CAMTA1: variants seen among roughly 807,000 people sequenced by gnomAD.
The protein encoded by CAMTA1 is calmodulin binding transcription activator 1.
CAMTA1 carries 27 observed loss-of-function variants against 170.9 expected under a neutral mutation model. The observed-to-expected ratio is 0.16, with a 90% CI of 0.12 to 0.22. CAMTA1 has a LOEUF of 0.22. Among genes scored for constraint, CAMTA1 ranks in the 10% least tolerant of loss-of-function variants. The probability of loss-of-function intolerance (pLI) is 1.00; values close to 1 mark genes in which losing one functional copy is unlikely to be tolerated. For synonymous variants in CAMTA1, 833 were observed against 891.5 expected, an observed-to-expected ratio of 0.93 and a Z score of 1.17; for missense variants, 1,619 against 2,217.2, an observed-to-expected ratio of 0.73 and a Z score of 5.42.
chr1:7,618,794 C>G (rs1558011127), intron 6 of CAMTA1, among the ~76,000 whole-genome samples: 1 of 152,156 alleles, frequency 6.6e-6, no homozygotes, highest in Non-Finnish European at 1.5e-5. Flanking sequence ...AAAAACTTCC[C>G]TGTTCCTTTG....
chr1:7,567,810 C>G (rs2095061364), intron 6 of CAMTA1, among the ~76,000 whole-genome samples: 1 of 152,148 alleles, frequency 6.6e-6, no homozygotes, highest in African/African-American at 2.4e-5. Flanking sequence ...CAATCACCAC[C>G]CATTGAAAGG....
chr1:7,082,440 A>AATAGATAG (rs150422699), intron 3 of CAMTA1, among the ~76,000 whole-genome samples: 40,014 of 142,022 alleles, frequency 0.28, 5,744 homozygotes, highest in Middle Eastern at 0.3. Flanking sequence ...TGCATCTCGA[A>AATAGATAG]ATAGATAGAT....
intron 5 of CAMTA1, among the ~76,000 whole-genome samples, chr1:7,285,434 A>G (rs1186428239): frequency 1.3e-5 from 2 of 152,148 alleles, no homozygotes; most frequent in Admixed American, 1.3e-4. Flanking sequence ...CTATGGGAAC[A>G]TTGTAGCCCA....
intron 6 of CAMTA1, among the ~76,000 whole-genome samples, chr1:7,550,780 T>TGG (rs2094790024): frequency 9.4e-6 from 1 of 106,848 alleles, no homozygotes; most frequent in African/African-American, 3.5e-5. Context: ...CTCTCCTACC[T>TGG]GACCGTCTTT....
chr1:7,078,347 T>C (rs1639579552), intron 3 of CAMTA1, among the ~76,000 whole-genome samples: 1 of 152,220 alleles, frequency 6.6e-6, no homozygotes, highest in Non-Finnish European at 1.5e-5. Flanking sequence ...TCAGCAAGTC[T>C]GCATCTTCAT....
At chr1:7,398,183 CTCTCTCTCTCTA>C (rs1465328199) in intron 5 of CAMTA1, among the ~76,000 whole-genome samples, 10 of 45,242 alleles carry the variant, frequency 2.2e-4, no homozygotes, top group Admixed American at 3.1e-4. Flanking sequence ...CTCTCTCTCT[CTCTCTCTCTCTA>C]TATATATATA....
intron 11 of CAMTA1, among the ~76,000 whole-genome samples, chr1:7,686,923 C>T (rs2096263697): frequency 6.6e-6 from 1 of 151,912 alleles, no homozygotes; most frequent in African/African-American, 2.4e-5. Flanking sequence ...CAAACCATTT[C>T]CTGAGATGGA....
intron 5 of CAMTA1, among the ~76,000 whole-genome samples, chr1:7,365,228 C>T (rs1288357082): frequency 6.3e-3 from 1 of 160 alleles, no homozygotes; most frequent in Non-Finnish European, 0.01. Flanking sequence ...CACCTGGTGG[C>T]TGCGCTGTGG....
At chr1:7,149,036 C>A (rs201846911) in intron 4 of CAMTA1, among the ~76,000 whole-genome samples, 1 of 151,582 alleles carries the variant, frequency 6.6e-6, no homozygotes, top group South Asian at 2.1e-4. Context: ...TCCCGAGGTA[C>A]GGGGGCCTGG....
At chr1:7,420,230 C>T (rs6677945) in intron 5 of CAMTA1, among the ~76,000 whole-genome samples, 44,474 of 151,948 alleles carry the variant, frequency 0.29, 7,087 homozygotes, top group Middle Eastern at 0.57. Flanking sequence ...CACACTTGGC[C>T]GCCTGGCTCC....
chr1:7,609,846 G>C lies in CAMTA1; in HGVS notation c.511-30554G>C, dbSNP rs923503377. On this transcript the variant is annotated intron_variant, in intron 6 of 22. Transcript: ENST00000303635. This position sits in a 1 kb window ranked among gnomAD's most constrained non-coding sequence, Gnocchi z 4.4. ...CCAGGAACTGAGGTTCCTGGCATCC[G>C]GGTAGAGTCCAAACATGGAAGCTCG... Among the ~76,000 whole-genome samples the C allele has an allele frequency of 6.6e-6, 1 of 152,178 alleles. No homozygotes were observed. Among genetic ancestry groups the C allele is most frequent in the African/African-American group, 2.4e-5 (1 of 41,444 alleles).
intron 4 of CAMTA1, among the ~76,000 whole-genome samples, chr1:7,096,315 G>A (rs1013446396): frequency 1.1e-4 from 16 of 152,068 alleles, no homozygotes; most frequent in Admixed American, 9.8e-4. Flanking sequence ...TCCCCGCCCT[G>A]ATGGTGGTGG....
intron 3 of CAMTA1, among the ~76,000 whole-genome samples, chr1:6,880,018 A>G (rs1201618733): frequency 1.3e-5 from 2 of 151,596 alleles, no homozygotes; most frequent in African/African-American, 4.8e-5. Context: ...GCATCAGCAA[A>G]CCCACCTGGA....
At position 7,633,402 on chromosome 1, in the gene CAMTA1, A is replaced by AC. The variant is rs945578696; in HGVS notation, c.511-6991dup. ...CTGCAGAGGGGCAGAGAGCTCGTGG[A>AC]CCCCCCCAGATGCCACCCCTCCTGG... On this transcript the variant is annotated intron_variant, in intron 6 of 22. Coordinates refer to ENST00000303635, the MANE Select transcript of CAMTA1 (RefSeq NM_015215.4). The surrounding 1 kb of genome is among the most constrained non-coding windows in gnomAD (Gnocchi z 4.1). Among the ~76,000 whole-genome samples the AC allele has an allele frequency of 2.8e-4, 42 of 150,442 alleles. No homozygotes were observed. Among genetic ancestry groups the AC allele is most frequent in the African/African-American group, 8.6e-4 (35 of 40,818 alleles).
In CAMTA1 at chr1:6,997,201, G is replaced by A. The variant is rs1036302268; in HGVS notation, c.235-94103G>A. 5.9e-5 allele frequency among the ~76,000 whole-genome samples: 9 copies of A among 152,232 alleles called. No homozygotes were observed. The South Asian group carries it at 8.3e-4, about 14-fold the overall frequency. On this transcript the variant is annotated intron_variant, in intron 3 of 22. Transcript: ENST00000303635. ...AAAGGATGTGCATTCTCTGTTGGAC[G>A]AATTTTCCGTGTATTTATTAGTTAA...
At position 7,041,044 on chromosome 1, in the gene CAMTA1, G is replaced by A. The variant is rs1316485086; in HGVS notation, c.235-50260G>A. ...GCCCTCCCTCTGTTTTTTAAGACAG[G>A]TGCGTGTGGGCGCAGGAGGCGGAGG... is the stretch of plus-strand genomic sequence containing the variant. On this transcript the variant is annotated intron_variant, in intron 3 of 22. Transcript: ENST00000303635. The surrounding 1 kb of genome is among the most constrained non-coding windows in gnomAD (Gnocchi z 5.1). 6.6e-6 allele frequency among the ~76,000 whole-genome samples: 1 copy of A among 152,210 alleles called. No homozygotes were observed. The highest frequency in any genetic ancestry group is 1.5e-5 in the Non-Finnish European group (1 of 68,024).
intron 4 of CAMTA1, among the ~76,000 whole-genome samples, chr1:7,115,775 T>C (rs1017822270): frequency 6.6e-6 from 1 of 152,120 alleles, no homozygotes; most frequent in Non-Finnish European, 1.5e-5. Context: ...TTAGTCTGAC[T>C]TCAGAGGCCA....
In CAMTA1 at chr1:6,953,228, C is replaced by T. The variant is rs191402667; in HGVS notation, c.234+128018C>T. On this transcript the variant is annotated intron_variant, in intron 3 of 22. Coordinates refer to ENST00000303635, the MANE Select transcript of CAMTA1 (RefSeq NM_015215.4). ...TCAGTATAGATTCCATTCGTGGAGC[C>T]GAGCCCAGTCTGAGACCTAGAACAG... Among the ~76,000 whole-genome samples the T allele has an allele frequency of 3.5e-4, 53 of 152,244 alleles. 1 individual carries two copies. The highest frequency in any genetic ancestry group is 6.2e-4 in the Non-Finnish European group (42 of 68,014).
intron 22 of CAMTA1, among the ~76,000 whole-genome samples, chr1:7,762,354 C>T (rs1353520511): frequency 6.6e-6 from 1 of 152,182 alleles, no homozygotes; most frequent in Non-Finnish European, 1.5e-5. Context: ...TAACTAATAA[C>T]AAGGTGATCA....
Sources: allele counts gnomAD v4.1 joint callset (sites outside exome capture counted in the v4.1 genomes callset), GRCh38; gene constraint gnomAD v4.1.1; non-coding constraint Gnocchi (gnomAD v3.1); transcripts MANE v1.5; gene names NCBI Gene and HGNC (gene_info 2026-07-23, HGNC 2026-07-21).